Variants in ST7 observed in about 807,000 individuals in gnomAD.
The protein encoded by ST7 is suppressor of tumorigenicity 7 protein.
Under a neutral mutation model 78.7 loss-of-function variants are expected in ST7, and 28 were observed. The observed-to-expected ratio is 0.36, with a 90% CI of 0.26 to 0.49. The LOEUF is 0.49. Ranked by LOEUF, ST7 falls within the 20% of genes least tolerant of loss-of-function variation. The pLI is 0.99. For synonymous variants in ST7, 247 were observed against 249.6 expected (o/e 0.99, Z 0.10); for missense variants, 418 against 696.0 (o/e 0.60, Z 4.49).
At chr7:117,129,760 C>T (rs116961120) in intron 3 of ST7, 33 bp from the exon 4 acceptor site, 41,114 of 1,567,986 alleles carry the variant, frequency 0.026, 655 homozygotes, top group Non-Finnish European at 0.031. Flanking sequence ...ACTGAACTTA[C>T]GCGTAACATT....
chr7:117,104,349 A>C (rs1243050870), intron 2 of ST7, among the ~76,000 whole-genome samples: 10 of 152,198 alleles, frequency 6.6e-5, no homozygotes. Context: ...CTGAGGCAGC[A>C]GAATCACTTA....
At chr7:117,146,242 G>T (rs1337181934) in intron 9 of ST7, 1 of 152,192 alleles carries the variant, frequency 6.6e-6, no homozygotes, top group Non-Finnish European at 1.5e-5. Flanking sequence ...GCACTGTAAA[G>T]GCATATGTGA....
intron 9 of ST7, among the ~76,000 whole-genome samples, chr7:117,164,678 A>G (rs930115942): frequency 6.6e-6 from 1 of 152,244 alleles, no homozygotes; most frequent in Non-Finnish European, 1.5e-5. Context: ...AGATGATACA[A>G]TAGCATTGTG....
chr7:117,209,820 C>G lies in ST7; in HGVS notation c.1288C>G (p.Pro430Ala). ...LLEMKSLILP[P>A]EHILKRGDSE... The stretch of plus-strand genomic sequence containing the variant: ...AGAAATGAAAAGCTTAATCCTACCC[C>G]CAGAACATATCCTGAAGAGAGGAGA... Residue 430 changes from proline to alanine, a missense_variant, in exon 13 of 16, where the codon CCA becomes GCA. Transcript: ENST00000323984. 6.2e-7 allele frequency: 1 copy of G among 1,613,990 alleles called. No individual in the cohort carries two copies. Among genetic ancestry groups the G allele is most frequent in the Non-Finnish European group, 8.5e-7 (1 of 1,180,000 alleles).
intron 1 of ST7, among the ~76,000 whole-genome samples, chr7:117,002,280 G>C (rs1348559799): frequency 6.6e-6 from 1 of 151,978 alleles, no homozygotes; most frequent in Non-Finnish European, 1.5e-5. Flanking sequence ...ATTTTTTAGA[G>C]ACAGGTCTCT....
chr7:117,213,504 T>A (rs1254100786), intron 13 of ST7, among the ~76,000 whole-genome samples: 1 of 152,116 alleles, frequency 6.6e-6, no homozygotes, highest in Non-Finnish European at 1.5e-5. Context: ...GTTGGAACAT[T>A]AGCCATCCTT....
intron 1 of ST7, among the ~76,000 whole-genome samples, chr7:117,086,141 T>TA (rs1342726557): frequency 6.6e-6 from 1 of 152,164 alleles, no homozygotes; most frequent in South Asian, 2.1e-4. Flanking sequence ...TTCTGTATTT[T>TA]AAAAAATGTT....
intron 9 of ST7, among the ~76,000 whole-genome samples, chr7:117,153,546 T>A (rs76182159): frequency 0.012 from 1,763 of 152,228 alleles, 44 homozygotes; most frequent in African/African-American, 0.041. Context: ...CACTGTTGTG[T>A]CATGAAATCC....
chr7:116,953,594 G>A lies in ST7; in HGVS notation c.54G>A (p.Trp18Ter). 1 of 1,506,462 alleles carries A rather than the reference G, an allele frequency of 6.6e-7. No homozygotes were observed. Among genetic ancestry groups the A allele is most frequent in the Middle Eastern group, 1.8e-4 (1 of 5,582 alleles). 93.3% of individuals were successfully genotyped at this position (1,506,462 alleles called of 1,614,324 possible). A position where few individuals can be genotyped will look rare whatever the true frequency, so the allele number is the denominator to read the frequency against. The change falls in exon 1 of 16, where the codon TGG (tryptophan) becomes TGA (stop). Residue 18 changes from tryptophan (W) to a stop codon, truncating the protein, a stop_gained. Transcript: ENST00000323984. LOFTEE classifies it high-confidence loss of function. ...FLEQLKSCIV[W>*]SWTYLWTVWF... ...AGCAGCTCAAGTCCTGCATAGTTTG[G>A]TCTTGGACGTATCTGTGGACCGTGT...
intron 1 of ST7, among the ~76,000 whole-genome samples, chr7:116,963,637 T>C (rs1792946993): frequency 6.6e-6 from 1 of 150,828 alleles, no homozygotes. Context: ...TTTTTCTTTT[T>C]TTTTTTTTTT....
At chr7:117,066,674 T>G (rs1798649564) in intron 1 of ST7, among the ~76,000 whole-genome samples, 1 of 147,952 alleles carries the variant, frequency 6.8e-6, no homozygotes, top group Admixed American at 6.9e-5. Context: ...GGCAGGAGAA[T>G]CGCTTGAACC....
At chr7:117,111,200 G>A (rs1300568589) in intron 2 of ST7, among the ~76,000 whole-genome samples, 1 of 152,170 alleles carries the variant, frequency 6.6e-6, no homozygotes, top group Non-Finnish European at 1.5e-5. Flanking sequence ...CAGCATTGAG[G>A]TAAAGGATCA....
rs534936412 is a variant in ST7, at chr7:117,184,968, A to T, written c.1079-4353A>T. ...CGAAATATTAAGTTTAAAAATTATA[A>T]TAGGCAAAAATAACCAAGCCTCACC... On this transcript the variant is annotated intron_variant, in intron 10 of 15. Coordinates refer to ENST00000323984, the MANE Select transcript of ST7 (RefSeq NM_001369598.1). Among the ~76,000 whole-genome samples, 5 of 152,356 alleles carry T rather than the reference A, an allele frequency of 3.3e-5. No individual in the cohort carries two copies. In the South Asian group the frequency reaches 1.0e-3, roughly 32 times the overall value.
At chr7:117,205,261 A>AT (rs1207670414) in intron 12 of ST7, among the ~76,000 whole-genome samples, 4 of 152,134 alleles carry the variant, frequency 2.6e-5, no homozygotes, top group African/African-American at 7.2e-5. Flanking sequence ...GGGTACATTG[A>AT]TTTTTTTCCA....
At chr7:117,008,665 G>T (rs911463600) in intron 1 of ST7, among the ~76,000 whole-genome samples, 1 of 152,146 alleles carries the variant, frequency 6.6e-6, no homozygotes, top group African/African-American at 2.4e-5. Context: ...AGGGAATTGG[G>T]ATGAAACTTT....
intron 1 of ST7, chr7:116,959,934 G>A (rs1441900882): frequency 6.5e-6 from 1 of 153,498 alleles, no homozygotes; most frequent in African/African-American, 2.4e-5. Context: ...GCAAAGTGTA[G>A]CACCAAGATA....
intron 1 of ST7, 109 bp downstream of exon 1, chr7:116,953,800 C>T: frequency 1.3e-6 from 1 of 773,170 alleles, no homozygotes; most frequent in South Asian, 5.9e-5. Flanking sequence ...CGCGCCGGGG[C>T]CCGCGCACCG....
At chr7:116,980,173 C>T (rs1347571888) in intron 1 of ST7, among the ~76,000 whole-genome samples, 3 of 151,772 alleles carry the variant, frequency 2.0e-5, no homozygotes, top group African/African-American at 7.3e-5. Context: ...TGGCCAGGCT[C>T]GTCTCCAATT....
chr7:117,035,031 C>T (rs772676274), intron 1 of ST7, among the ~76,000 whole-genome samples: 77 of 151,694 alleles, frequency 5.1e-4, no homozygotes, highest in Non-Finnish European at 7.6e-4. Flanking sequence ...ACTGTGGTGT[C>T]GCAACATGAA....
Sources: allele counts gnomAD v4.1 joint callset (sites outside exome capture counted in the v4.1 genomes callset), GRCh38; gene constraint gnomAD v4.1.1; transcripts MANE v1.5; gene names NCBI Gene and HGNC (gene_info 2026-07-23, HGNC 2026-07-21).